The following ADGRB1 variants were observed in gnomAD, a reference collection of about 807,000 sequenced individuals.
ADGRB1 encodes brain-specific angiogenesis inhibitor 1.
Under a neutral mutation model 175.7 loss-of-function variants are expected in ADGRB1, and 36 were observed. That is an observed-to-expected ratio of 0.20 (90% CI 0.16 to 0.27). The LOEUF (loss-of-function observed/expected upper bound fraction) is 0.27, where lower values mean the gene tolerates loss of function less well. Among genes scored for constraint, ADGRB1 ranks in the 10% least tolerant of loss-of-function variants. ADGRB1 has a pLI of 1.00. For missense variants in ADGRB1, 1,731 were observed against 2,255.3 expected (o/e 0.77, Z 4.71); for synonymous variants, 1,054 against 979.4 (o/e 1.08, Z -1.42).
chr8:142,544,458 A>G lies in ADGRB1; in HGVS notation c.*41A>G. 2 of 1,430,498 alleles carry G rather than the reference A, an allele frequency of 1.4e-6. No individual in the cohort carries two copies. Among genetic ancestry groups the G allele is most frequent in the Non-Finnish European group, 1.8e-6 (2 of 1,093,306 alleles). The allele number at this position is 1,430,498 out of a possible 1,614,324, so 88.6% of individuals were successfully genotyped here. On this transcript the variant is annotated 3_prime_UTR_variant, in exon 31 of 31. Transcript: ENST00000517894. ...CCACGCACTGGGCCACGGAGGAGGG[A>G]TGCTGCTCCGCCCGCTCCTGCCGCA...
chr8:142,456,472 C>T (rs897529410), intron 1 of ADGRB1, among the ~76,000 whole-genome samples: 1 of 152,218 alleles, frequency 6.6e-6, no homozygotes, highest in Non-Finnish European at 1.5e-5. Flanking sequence ...CACGTGCACA[C>T]TCACGTGTGC....
chr8:142,542,111 C>T lies in ADGRB1; in HGVS notation c.3877C>T (p.Arg1293Cys), dbSNP rs1012214184. ...VSKLHLHGSP[R>C]YPGGPLPDFP... Reference sequence around the variant, plus strand: ...CAAGCTGCACCTGCACGGCTCACCCCGCTATCCCGGCGGGCCCCTGCCCGA... The same window carrying T: ...CAAGCTGCACCTGCACGGCTCACCCTGCTATCCCGGCGGGCCCCTGCCCGA... Residue 1293 changes from arginine to cysteine, a missense_variant, in exon 28 of 31, where the codon CGC (arginine) becomes TGC (cysteine). Arg to Cys is a radical substitution (Grantham distance 180). Coordinates refer to ENST00000517894, the MANE Select transcript of ADGRB1 (RefSeq NM_001702.3). This position sits in a 1 kb window ranked among gnomAD's most constrained non-coding sequence, Gnocchi z 6.3. 24 of 1,613,388 alleles carry T rather than the reference C, an allele frequency of 1.5e-5. No homozygotes were observed. Among genetic ancestry groups the T allele is most frequent in the Admixed American group, 3.3e-5 (2 of 60,002 alleles).
At chr8:142,513,448 G>A (rs1222292836) in intron 18 of ADGRB1, among the ~76,000 whole-genome samples, 1 of 152,212 alleles carries the variant, frequency 6.6e-6, no homozygotes, top group Non-Finnish European at 1.5e-5. Context: ...GCAAGGGCTG[G>A]CCCCCTTGAT....
Position 142,475,563 on chromosome 8 carries a change from C to T in ADGRB1, c.874C>T (p.Pro292Ser). ...QTRTRTCLPA[P>S]GVEGGGCEGV... ...GCGGACGCGCACCTGCCTGCCCGCG[C>T]CGGGCGTGGAGGGCGGCGGCTGCGA... Residue 292 changes from proline to serine, a missense_variant, in exon 3 of 31, where the codon CCG becomes TCG. Physicochemically the swap from Pro to Ser is moderately conservative, Grantham distance 74. This residue lies in a region of ADGRB1 where 178 missense variants were observed against 227.8 expected (regional missense o/e 0.78). Coordinates refer to ENST00000517894, the MANE Select transcript of ADGRB1 (RefSeq NM_001702.3). The T allele has an allele frequency of 1.6e-6, 2 of 1,274,966 alleles. No homozygotes were observed. Among genetic ancestry groups the T allele is most frequent in the East Asian group, 2.9e-5 (1 of 34,662 alleles). 79.0% of individuals were successfully genotyped at this position (1,274,966 alleles called of 1,614,324 possible).
At position 142,464,093 on chromosome 8, in the gene ADGRB1, T is replaced by G; in HGVS notation, c.-106T>G. On this transcript the variant is annotated 5_prime_UTR_variant, in exon 2 of 31. Coordinates refer to ENST00000517894, the MANE Select transcript of ADGRB1 (RefSeq NM_001702.3). ...CCATCCCACCCTTGCCCCGCCTCCCTGCCCCCACCGGGCCGGCCCTGCCCG... is the reference window on the plus strand; with the variant it reads ...CCATCCCACCCTTGCCCCGCCTCCCGGCCCCCACCGGGCCGGCCCTGCCCG... The G allele has an allele frequency of 9.1e-5, 19 of 208,354 alleles. No individual in the cohort carries two copies. Among genetic ancestry groups the G allele is most frequent in the East Asian group, 7.1e-4 (5 of 7,022 alleles). The allele number at this position is 208,354 out of a possible 1,614,324, so 12.9% of individuals were successfully genotyped here. A position where few individuals can be genotyped will look rare whatever the true frequency, so the allele number is the denominator to read the frequency against.
At chr8:142,514,658 G>C (rs1563729606) in intron 18 of ADGRB1, among the ~76,000 whole-genome samples, 1 of 152,148 alleles carries the variant, frequency 6.6e-6, no homozygotes, top group Non-Finnish European at 1.5e-5. Context: ...ACCAGGGTTA[G>C]GTTCAGGGGT....
Position 142,459,112 on chromosome 8 carries a change from G to A in ADGRB1, c.-219-4868G>A, listed in dbSNP as rs189804828. Among the ~76,000 whole-genome samples the A allele has an allele frequency of 4.0e-3, 608 of 152,360 alleles. 3 individuals carry two copies. Among genetic ancestry groups the A allele is most frequent in the Non-Finnish European group, 5.1e-3 (348 of 68,036 alleles). On this transcript the variant is annotated intron_variant, in intron 1 of 30. Transcript: ENST00000517894. ...CGGAGCTTTCTGTCCTCATAGTGGA[G>A]GCCTGGCATGGGGTGGGCTCAGGGG...
rs144275751 is a variant in ADGRB1 at position 142,476,988 on chromosome 8, C to T, written c.1058-126C>T. ...TTGAGATCAGCCTGGTTCGAAGGCC[C>T]GGGGGCTCTGCCCCAGCCCCGCTGC... is the stretch of plus-strand genomic sequence containing the variant. On this transcript the variant is annotated intron_variant, in intron 4 of 30. Coordinates refer to ENST00000517894, the MANE Select transcript of ADGRB1 (RefSeq NM_001702.3). The T allele has an allele frequency of 1.4e-3, 1,885 of 1,324,554 alleles. 22 individuals carry two copies. The African/African-American group carries it at 0.023, about 16-fold the overall frequency. The allele number at this position is 1,324,554 out of a possible 1,614,324, so 82.1% of individuals were successfully genotyped here. A position where few individuals can be genotyped will look rare whatever the true frequency, so the allele number is the denominator to read the frequency against.
chr8:142,468,907 GC>G (rs899571182), intron 2 of ADGRB1, among the ~76,000 whole-genome samples: 1 of 151,668 alleles, frequency 6.6e-6, no homozygotes, highest in Non-Finnish European at 1.5e-5. Flanking sequence ...GCAGCACAAA[GC>G]AGGCATTGCC....
At chr8:142,524,431 C>A in intron 23 of ADGRB1, 127 bp downstream of exon 23, 3 of 1,077,896 alleles carry the variant, frequency 2.8e-6, no homozygotes, top group Non-Finnish European at 3.9e-6. Flanking sequence ...CCCTCATGGC[C>A]CTCATCACCA....
intron 23 of ADGRB1, among the ~76,000 whole-genome samples, chr8:142,525,728 A>G (rs1486332809): frequency 1.3e-5 from 2 of 152,174 alleles, no homozygotes; most frequent in Admixed American, 1.3e-4. Flanking sequence ...TCAGGGGTCC[A>G]TGGAGTCCTG....
chr8:142,494,321 G>A (rs919953651), intron 17 of ADGRB1, among the ~76,000 whole-genome samples: 22 of 151,962 alleles, frequency 1.4e-4, no homozygotes, highest in African/African-American at 5.3e-4. Context: ...CCTGATCCTG[G>A]TCACAGGCTG....
At chr8:142,503,349 C>T (rs991194042) in intron 17 of ADGRB1, among the ~76,000 whole-genome samples, 4 of 152,022 alleles carry the variant, frequency 2.6e-5, no homozygotes, top group African/African-American at 4.8e-5. Flanking sequence ...GGGCAGAGCT[C>T]GTGGGGGTGC....
rs950756694 is a variant in ADGRB1 at position 142,474,984 on chromosome 8, G to A, written c.785-490G>A. ...GAAGCGGCTCCAGGTCACAGCTGGG[G>A]TGTGAAATGTGGAGCCCTGGTGATG... On this transcript the variant is annotated intron_variant, in intron 2 of 30. Coordinates refer to ENST00000517894, the MANE Select transcript of ADGRB1 (RefSeq NM_001702.3). This position sits in a 1 kb window ranked among gnomAD's most constrained non-coding sequence, Gnocchi z 5.8. 6.6e-6 allele frequency among the ~76,000 whole-genome samples: 1 copy of A among 152,158 alleles called. No homozygotes were observed. The highest frequency in any genetic ancestry group is 2.4e-5 in the African/African-American group (1 of 41,440).
At chr8:142,477,086 G>A in intron 4 of ADGRB1, 28 bp from the exon 5 acceptor site, 1 of 1,517,316 alleles carries the variant, frequency 6.6e-7, no homozygotes, top group Non-Finnish European at 8.8e-7. Flanking sequence ...TGGGCGGCAG[G>A]CCTGTGACGC....
intron 17 of ADGRB1, among the ~76,000 whole-genome samples, chr8:142,509,575 A>G (rs1007097087): frequency 6.6e-6 from 1 of 152,178 alleles, no homozygotes; most frequent in Non-Finnish European, 1.5e-5. Context: ...CGGATGGAAG[A>G]GGTGAGCTGA....
intron 20 of ADGRB1, 65 bp downstream of exon 20, chr8:142,520,990 G>A (rs903175458): frequency 5.4e-6 from 8 of 1,487,902 alleles, no homozygotes; most frequent in Non-Finnish European, 7.4e-6. Flanking sequence ...TGGACCCCAG[G>A]AGGGGCCTGG....
chr8:142,526,767 C>A, intron 24 of ADGRB1, 140 bp downstream of exon 24: 1 of 832,562 alleles, frequency 1.2e-6, no homozygotes, highest in Non-Finnish European at 2.0e-6. Flanking sequence ...GAAACGGAGG[C>A]ACTGAGTACA....
Position 142,544,568 on chromosome 8 carries a change from C to G in ADGRB1, c.*151C>G, listed in dbSNP as rs1300464057. 4 of 936,582 alleles carry G rather than the reference C, an allele frequency of 4.3e-6. No individual in the cohort carries two copies. The highest frequency in any genetic ancestry group is 1.8e-5 in the African/African-American group (1 of 56,224). 58.0% of individuals were successfully genotyped at this position (936,582 alleles called of 1,614,324 possible). ...TCAGACGGCGGCCAGGCACAGGGCC[C>G]GCAGTGCTGGGACCAGAGCCAGATG... On this transcript the variant is annotated 3_prime_UTR_variant, in exon 31 of 31. Coordinates refer to ENST00000517894, the MANE Select transcript of ADGRB1 (RefSeq NM_001702.3).
Sources: allele counts gnomAD v4.1 joint callset (sites outside exome capture counted in the v4.1 genomes callset), GRCh38; gene constraint gnomAD v4.1.1; regional missense constraint gnomAD v4.1.1; non-coding constraint Gnocchi (gnomAD v3.1); transcripts MANE v1.5; gene names NCBI Gene and HGNC (gene_info 2026-07-23, HGNC 2026-07-21).